The following GRID2 variants were observed in gnomAD, a reference collection of about 807,000 sequenced individuals.
GRID2 encodes the protein glutamate ionotropic receptor delta type subunit 2.
GRID2 carries 33 observed loss-of-function variants against 114.8 expected under a neutral mutation model. The observed-to-expected ratio is 0.29, with a 90% CI of 0.22 to 0.38. The LOEUF is 0.38. Ranked by LOEUF, GRID2 falls within the 10% of genes least tolerant of loss-of-function variation. The pLI, the probability that GRID2 is intolerant of heterozygous loss-of-function variation, is 1.00. For synonymous variants in GRID2, 505 were observed against 449.9 expected, an observed-to-expected ratio of 1.12 and a Z score of -1.55; for missense variants, 1,184 against 1,257.7, an observed-to-expected ratio of 0.94 and a Z score of 0.89.
rs528393000 is a variant in GRID2, at chr4:93,017,882, C to CTT, written c.245-67095_245-67094dup. ...GTGCACCAAGACATAAGACAGTAAG[C>CTT]TTTTTTTTTTTTTTTTTTTACTCCT... is the stretch of plus-strand genomic sequence containing the variant. On this transcript the variant is annotated intron_variant, in intron 2 of 15. Transcript: ENST00000282020. Among the ~76,000 whole-genome samples, 64 of 119,080 alleles carry CTT rather than the reference C, an allele frequency of 5.4e-4. 1 individual carries two copies. The highest frequency in any genetic ancestry group is 1.4e-3 in the South Asian group (5 of 3,638). 78.1% of individuals were successfully genotyped at this position (119,080 alleles called of 152,430 possible).
intron 1 of GRID2, among the ~76,000 whole-genome samples, chr4:92,538,905 G>A (rs1301571262): frequency 6.6e-6 from 1 of 152,010 alleles, no homozygotes; most frequent in Non-Finnish European, 1.5e-5. Flanking sequence ...ATCCAGGCAT[G>A]GTGGTGGGCA....
At chr4:93,383,204 G>A (rs1764021754) in intron 8 of GRID2, among the ~76,000 whole-genome samples, 2 of 152,230 alleles carry the variant, frequency 1.3e-5, no homozygotes, top group Admixed American at 1.3e-4. Flanking sequence ...AACAATGGAG[G>A]GGAGGTGCAA....
chr4:93,368,713 T>G, intron 8 of GRID2, among the ~76,000 whole-genome samples: 1 of 152,230 alleles, frequency 6.6e-6, no homozygotes, highest in Admixed American at 6.5e-5. Flanking sequence ...TGGGGTAAAT[T>G]AGATTAAATT....
chr4:92,764,702 A>C (rs1453231025), intron 2 of GRID2, among the ~76,000 whole-genome samples: 2 of 152,220 alleles, frequency 1.3e-5, no homozygotes, highest in African/African-American at 2.4e-5. Flanking sequence ...AGGCTTTAAA[A>C]GACATGAGCA....
intron 1 of GRID2, among the ~76,000 whole-genome samples, chr4:92,325,668 T>A (rs953165444): frequency 6.6e-6 from 1 of 151,826 alleles, no homozygotes; most frequent in Non-Finnish European, 1.5e-5. Flanking sequence ...TTATTTTTTT[T>A]ATTCTTTCTC....
At chr4:92,742,796 C>G (rs1039148014) in intron 2 of GRID2, among the ~76,000 whole-genome samples, 2 of 152,046 alleles carry the variant, frequency 1.3e-5, no homozygotes. Flanking sequence ...TGCAACAGTA[C>G]TACAAGCATC....
At chr4:93,598,796 T>G (rs1739372229) in intron 13 of GRID2, among the ~76,000 whole-genome samples, 1 of 152,208 alleles carries the variant, frequency 6.6e-6, no homozygotes, top group Admixed American at 6.5e-5. Context: ...TTTCTATGTT[T>G]TATTCAGACA....
chr4:93,001,401 C>T (rs757313900), intron 2 of GRID2, among the ~76,000 whole-genome samples: 15 of 151,506 alleles, frequency 9.9e-5, no homozygotes, highest in East Asian at 3.9e-4. Flanking sequence ...AGTTAGGCTA[C>T]GGAATTTTGG....
chr4:93,197,140 G>C (rs1474455539), intron 4 of GRID2, among the ~76,000 whole-genome samples: 1 of 152,158 alleles, frequency 6.6e-6, no homozygotes, highest in African/African-American at 2.4e-5. Flanking sequence ...AGTTAACACA[G>C]TGGAGTATAA....
intron 2 of GRID2, among the ~76,000 whole-genome samples, chr4:92,816,852 T>C (rs1385693600): frequency 6.6e-6 from 1 of 152,146 alleles, no homozygotes; most frequent in Non-Finnish European, 1.5e-5. Flanking sequence ...GAAATAACTT[T>C]ACAATAAATA....
intron 1 of GRID2, among the ~76,000 whole-genome samples, chr4:92,530,871 C>T (rs1388093062): frequency 6.6e-6 from 1 of 151,696 alleles, no homozygotes; most frequent in African/African-American, 2.4e-5. Flanking sequence ...CATGCCACTG[C>T]ACTCCAAGCT....
intron 2 of GRID2, among the ~76,000 whole-genome samples, chr4:92,647,147 C>G (rs1242519521): frequency 1.3e-5 from 2 of 152,190 alleles, no homozygotes; most frequent in African/African-American, 4.8e-5. Context: ...GTATAACTTA[C>G]TTTATCTCCT....
intron 2 of GRID2, among the ~76,000 whole-genome samples, chr4:92,813,858 A>C (rs1247733995): frequency 6.6e-6 from 1 of 152,128 alleles, no homozygotes; most frequent in African/African-American, 2.4e-5. Context: ...CAAAATCCTT[A>C]ACATCGCATT....
chr4:92,589,923 C>CTA (rs1264826350), intron 1 of GRID2, among the ~76,000 whole-genome samples: 1 of 152,124 alleles, frequency 6.6e-6, no homozygotes, highest in Non-Finnish European at 1.5e-5. Flanking sequence ...CTTTGAGGTA[C>CTA]TATTTATCAT....
At chr4:93,043,133 A>G (rs577704789) in intron 2 of GRID2, among the ~76,000 whole-genome samples, 3 of 152,318 alleles carry the variant, frequency 2.0e-5, no homozygotes, top group Admixed American at 6.5e-5. Flanking sequence ...AGACTTGAGT[A>G]TAATGACAAA....
rs1553916864 is a variant in GRID2 at position 92,688,037 on chromosome 4, C to CCTTTTTTTTT, written c.244+97751_244+97752insCTTTTTTTTT. 9.8e-3 allele frequency among the ~76,000 whole-genome samples: 436 copies of CCTTTTTTTTT among 44,618 alleles called. 10 individuals carry two copies. Among genetic ancestry groups the CCTTTTTTTTT allele is most frequent in the Admixed American group, 0.011 (34 of 3,202 alleles). The allele number at this position is 44,618 out of a possible 152,430, so 29.3% of individuals were successfully genotyped here. A position where few individuals can be genotyped will look rare whatever the true frequency, so the allele number is the denominator to read the frequency against. On this transcript the variant is annotated intron_variant, in intron 2 of 15. Transcript: ENST00000282020. ...GCCACATTGGTTGACCCTTCTTCTT[C>CCTTTTTTTTT]TTTTTTTTTTTTTTTTTTTTTTTTT...
chr4:92,861,145 C>T (rs1744504872), intron 2 of GRID2, among the ~76,000 whole-genome samples: 1 of 152,154 alleles, frequency 6.6e-6, no homozygotes, highest in South Asian at 2.1e-4. Context: ...TTACTGTCTA[C>T]ATCTATATTA....
At chr4:93,214,562 T>C (rs1163777797) in intron 5 of GRID2, among the ~76,000 whole-genome samples, 3 of 152,100 alleles carry the variant, frequency 2.0e-5, no homozygotes, top group African/African-American at 7.2e-5. Context: ...TGTTAGTTTC[T>C]TTCAGAATGA....
intron 2 of GRID2, among the ~76,000 whole-genome samples, chr4:92,758,096 C>G (rs1318043494): frequency 1.1e-4 from 16 of 151,980 alleles, no homozygotes; most frequent in Admixed American, 1.0e-3. Context: ...ATAAGGAGAA[C>G]AGATTAAACA....
Sources: gnomAD v4.1 joint callset for allele counts (sites outside exome capture counted in the v4.1 genomes callset) on GRCh38, gnomAD v4.1.1 for gene constraint, MANE v1.5 for transcripts, NCBI Gene and HGNC (gene_info 2026-07-23, HGNC 2026-07-21) for gene names.